The following RHD variants were observed in gnomAD, a reference collection of about 807,000 sequenced individuals.
RHD encodes blood group Rh(D) polypeptide.
In RHD, 16 loss-of-function variants were observed where a neutral mutation model predicts 45.5. The ratio of observed to expected loss-of-function variants is 0.35; its 90% CI spans 0.24 to 0.53. The LOEUF (loss-of-function observed/expected upper bound fraction) is 0.53. RHD is among the 20% of genes least tolerant of loss of function. The pLI, the probability that RHD is intolerant of heterozygous loss-of-function variation, is 0.92. For missense variants in RHD, 306 were observed against 532.0 expected (o/e 0.58, Z 4.18); for synonymous variants, 131 against 217.5 (o/e 0.60, Z 3.50).
chr1:25,313,631 A>G (rs28619253), intron 7 of RHD, among the ~76,000 whole-genome samples: 1 of 132,196 alleles, frequency 7.6e-6, no homozygotes, highest in East Asian at 2.0e-4. Context: ...AGAACACGTC[A>G]TGCAGGGCCA....
intron 7 of RHD, among the ~76,000 whole-genome samples, chr1:25,310,626 A>C (rs1380841221): frequency 7.6e-6 from 1 of 131,778 alleles, no homozygotes; most frequent in African/African-American, 2.6e-5. Context: ...GGTGATGGGA[A>C]TAGGTTGGAA....
chr1:25,298,973 C>T (rs185249671), intron 3 of RHD, among the ~76,000 whole-genome samples: 1 of 121,798 alleles, frequency 8.2e-6, no homozygotes, highest in Non-Finnish European at 1.9e-5. Flanking sequence ...AACGAGTGCA[C>T]AAGCCATATG....
chr1:25,294,492 A>G lies in RHD; in HGVS notation c.486+3701A>G. ...GGAGCCAGAATGGTGGCTCGGTGAC[A>G]AGTGTATGTGCTGCACTCCACACCA... On this transcript the variant is annotated intron_variant, in intron 3 of 9. Coordinates refer to ENST00000328664, the MANE Select transcript of RHD (RefSeq NM_016124.6). 5.9e-6 allele frequency: 4 copies of G among 683,698 alleles called. 1 individual carries two copies. The Admixed American group carries it at 8.1e-5, about 14-fold the overall frequency. 42.4% of individuals were successfully genotyped at this position (683,698 alleles called of 1,614,324 possible).
intron 1 of RHD, among the ~76,000 whole-genome samples, chr1:25,280,377 C>G (rs1641375697): frequency 8.0e-6 from 1 of 124,584 alleles, no homozygotes; most frequent in Admixed American, 7.8e-5. Context: ...GCGATCTCGG[C>G]TCACTGCAAC....
At chr1:25,313,719 G>A (rs1644284863) in intron 7 of RHD, among the ~76,000 whole-genome samples, 1 of 132,192 alleles carries the variant, frequency 7.6e-6, no homozygotes. Flanking sequence ...AAAAAGAGTG[G>A]TGGGAGAGTA....
intron 7 of RHD, among the ~76,000 whole-genome samples, chr1:25,316,635 AAGAG>A (rs1262488729): frequency 4.2e-5 from 5 of 119,420 alleles, no homozygotes; most frequent in Admixed American, 8.2e-5. Context: ...AAAAAAAAAA[AAGAG>A]AGAGAGAGAA....
Position 25,329,329 on chromosome 1 carries a change from C to T in RHD, c.*405C>T, listed in dbSNP as rs1459897024. The T allele has an allele frequency of 1.3e-5, 5 of 379,152 alleles. No individual in the cohort carries two copies. The highest frequency in any genetic ancestry group is 7.1e-4 in the Middle Eastern group (1 of 1,402). 23.5% of individuals were successfully genotyped at this position (379,152 alleles called of 1,614,324 possible). On this transcript the variant is annotated 3_prime_UTR_variant, in exon 10 of 10. Transcript: ENST00000328664. The stretch of plus-strand genomic sequence containing the variant: ...GCACCATCTTGGCTCACTGCAACCT[C>T]TACCTCCTGGGTTCAAGCAAATCTC...
intron 7 of RHD, among the ~76,000 whole-genome samples, chr1:25,307,248 G>A: frequency 7.6e-6 from 1 of 132,152 alleles, no homozygotes; most frequent in Non-Finnish European, 1.8e-5. Context: ...AGAGAGGGGT[G>A]GGCCTTGGCT....
At chr1:25,293,397 T>C (rs636443) in intron 3 of RHD, among the ~76,000 whole-genome samples, 4 of 130,650 alleles carry the variant, frequency 3.1e-5, no homozygotes, top group African/African-American at 1.0e-4. Flanking sequence ...ATTATTTTCA[T>C]AGAATACATT....
rs1364614729 is a variant in RHD, at chr1:25,287,641, T to C, written c.335+2882T>C. ...TCTTATTCAACGTTGTTGTTTGTTT[T>C]CCTCACATACTGATAACTTAGCAAA... On this transcript the variant is annotated intron_variant, in intron 2 of 9. Coordinates refer to ENST00000328664, the MANE Select transcript of RHD (RefSeq NM_016124.6). 6.6e-5 allele frequency among the ~76,000 whole-genome samples: 9 copies of C among 135,520 alleles called. 2 individuals are homozygous for C. The highest frequency in any genetic ancestry group is 7.4e-3 in the Middle Eastern group (2 of 272). 88.9% of individuals were successfully genotyped at this position (135,520 alleles called of 152,430 possible).
chr1:25,299,654 C>T (rs57022509), intron 3 of RHD, among the ~76,000 whole-genome samples: 3 of 131,324 alleles, frequency 2.3e-5, no homozygotes, highest in African/African-American at 7.8e-5. Flanking sequence ...AGAGTGGATC[C>T]TGCAGGGTCG....
intron 6 of RHD, among the ~76,000 whole-genome samples, chr1:25,305,409 TTTA>T (rs398052859): frequency 9.5e-6 from 1 of 104,884 alleles, no homozygotes; most frequent in Non-Finnish European, 2.1e-5. Context: ...TATTTATTTA[TTTA>T]TTGAGACAGA....
intron 8 of RHD, among the ~76,000 whole-genome samples, chr1:25,319,847 C>G (rs558633166): frequency 7.6e-6 from 1 of 132,070 alleles, no homozygotes; most frequent in Admixed American, 7.4e-5. Flanking sequence ...GTAAAGTACA[C>G]CAGCAGAAGT....
At chr1:25,273,930 A>G (rs1640714176) in intron 1 of RHD, among the ~76,000 whole-genome samples, 1 of 130,406 alleles carries the variant, frequency 7.7e-6, no homozygotes, top group African/African-American at 2.6e-5. Context: ...AAGCCCTTAT[A>G]CCATTTAAGG....
rs1386602402 is a variant in RHD at position 25,315,478 on chromosome 1, A to G, written c.1074-1522A>G. On this transcript the variant is annotated intron_variant, in intron 7 of 9. Coordinates refer to ENST00000328664, the MANE Select transcript of RHD (RefSeq NM_016124.6). ...GGTGGCAACTCTTTTTATCTTTTTA[A>G]TTTATTTTTCTTTTCTTTCTTTCTT... is the stretch of plus-strand genomic sequence containing the variant. Among the ~76,000 whole-genome samples, 11 of 124,180 alleles carry G rather than the reference A, an allele frequency of 8.9e-5. 3 individuals carry two copies. Among genetic ancestry groups the G allele is most frequent in the Admixed American group, 2.3e-4 (3 of 12,850 alleles). 81.5% of individuals were successfully genotyped at this position (124,180 alleles called of 152,430 possible).
chr1:25,317,686 T>C (rs1162148069), intron 8 of RHD, among the ~76,000 whole-genome samples: 1 of 29,762 alleles, frequency 3.4e-5, no homozygotes, highest in Non-Finnish European at 8.6e-5. Context: ...AGTTAGCTTT[T>C]AAGCAGAGAC....
chr1:25,290,370 C>T (rs1340562819), intron 2 of RHD, among the ~76,000 whole-genome samples: 1 of 112,640 alleles, frequency 8.9e-6, no homozygotes, highest in African/African-American at 3.0e-5. Context: ...ATCAATGCCT[C>T]ATAGATGAAG....
rs1409182360 is a variant in RHD at position 25,280,422 on chromosome 1, C to T, written c.149-4151C>T. Among the ~76,000 whole-genome samples the T allele has an allele frequency of 7.1e-5, 9 of 127,436 alleles. No individual in the cohort carries two copies. The East Asian group carries it at 1.8e-3, about 25-fold the overall frequency. The allele number at this position is 127,436 out of a possible 152,430, so 83.6% of individuals were successfully genotyped here. A position where few individuals can be genotyped will look rare whatever the true frequency, so the allele number is the denominator to read the frequency against. ...CTGGGTTCAAGCGATTCTCCTGCCT[C>T]AGCCTCCTGAGTAGCTGGGATTACA... On this transcript the variant is annotated intron_variant, in intron 1 of 9. Coordinates refer to ENST00000328664, the MANE Select transcript of RHD (RefSeq NM_016124.6).
Position 25,320,271 on chromosome 1 carries a change from C to T in RHD, c.1154-1618C>T, listed in dbSNP as rs1388416089. On this transcript the variant is annotated intron_variant, in intron 8 of 9. Transcript: ENST00000328664. ...GAGAGATTAGAACAACAACCCTCCA[C>T]AGCTACACACCTTTTCCACGTTATA... 1.5e-5 allele frequency among the ~76,000 whole-genome samples: 2 copies of T among 132,130 alleles called. 1 individual carries two copies. Among genetic ancestry groups the T allele is most frequent in the South Asian group, 4.7e-4 (2 of 4,280 alleles). 86.7% of individuals were successfully genotyped at this position (132,130 alleles called of 152,430 possible).
Sources: allele counts gnomAD v4.1 joint callset (sites outside exome capture counted in the v4.1 genomes callset), GRCh38; gene constraint gnomAD v4.1.1; transcripts MANE v1.5; gene names NCBI Gene and HGNC (gene_info 2026-07-23, HGNC 2026-07-21).